Variants in CAPN2 observed in about 807,000 individuals in gnomAD.
CAPN2 encodes the protein calpain 2, also known as calpain-2 catalytic subunit.
Under a neutral mutation model 102.3 loss-of-function variants are expected in CAPN2, and 92 were observed. The ratio of observed to expected loss-of-function variants is 0.90; its 90% CI spans 0.76 to 1.07. The LOEUF (loss-of-function observed/expected upper bound fraction) is 1.07, where lower values mean the gene tolerates loss of function less well. CAPN2 is among the 50% of genes least tolerant of loss of function. CAPN2 has a pLI of 0.00. For missense variants in CAPN2, 800 were observed against 909.4 expected (o/e 0.88, Z 1.55); for synonymous variants, 340 against 355.4 (o/e 0.96, Z 0.49).
chr1:223,772,028 G>GGAGTT (rs1661490764), intron 19 of CAPN2, 103 bp downstream of exon 19: 3 of 1,121,884 alleles, frequency 2.7e-6, no homozygotes. Context: ...ATGTCTTCCA[G>GGAGTT]GAGTTGAGAA....
At chr1:223,769,228 T>C (rs2102816232) in intron 16 of CAPN2, among the ~76,000 whole-genome samples, 1 of 152,186 alleles carries the variant, frequency 6.6e-6, no homozygotes, top group South Asian at 2.1e-4. Flanking sequence ...CAGGTGATTC[T>C]CCCCCCTCCA....
intron 5 of CAPN2, 81 bp from the exon 6 acceptor site, chr1:223,748,958 G>A (rs1402404578): frequency 1.1e-5 from 15 of 1,333,918 alleles, no homozygotes; most frequent in South Asian, 1.2e-5. Flanking sequence ...GGTCCCGCCC[G>A]GCAGTAGGAC....
chr1:223,740,260 C>T (rs1289016453), intron 2 of CAPN2, among the ~76,000 whole-genome samples: 1 of 152,128 alleles, frequency 6.6e-6, no homozygotes, highest in Non-Finnish European at 1.5e-5. Flanking sequence ...ATGCTTGTTC[C>T]CTGGTGCCGT....
rs775085593 is a variant in CAPN2 at position 223,774,849 on chromosome 1, G to GTACT, written c.2097_2100dup (p.Ter701ThrfsTer5). Reference sequence around the variant, plus strand: ...TTCCTCACAGTGGCTCTGTTTCTCAGTACTTTGAAGTTATAACTAATCTGC... The same window carrying GTACT: ...TTCCTCACAGTGGCTCTGTTTCTCAGTACTTACTTTGAAGTTATAACTAATCTGC... On this transcript the variant is annotated frameshift_variant, in exon 21 of 21. Coordinates refer to ENST00000295006, the MANE Select transcript of CAPN2 (RefSeq NM_001748.5). LOFTEE classifies it high-confidence loss of function. The GTACT allele has an allele frequency of 4.3e-6, 7 of 1,612,998 alleles. No individual in the cohort carries two copies. Among genetic ancestry groups the GTACT allele is most frequent in the Non-Finnish European group, 5.9e-6 (7 of 1,179,574 alleles).
In CAPN2 at chr1:223,731,792, G is replaced by A. The variant is rs144526021; in HGVS notation, c.308-12308G>A. Among the ~76,000 whole-genome samples the A allele has an allele frequency of 3.4e-3, 516 of 152,308 alleles. 2 individuals carry two copies. The highest frequency in any genetic ancestry group is 0.011 in the African/African-American group (450 of 41,562). On this transcript the variant is annotated intron_variant, in intron 2 of 20. Transcript: ENST00000295006. This position sits in a 1 kb window ranked among gnomAD's most constrained non-coding sequence, Gnocchi z 4.2. ...ATGGAGTGAGGGATGTGGAGGCAGC[G>A]GAAGGCATCTGGGAGTCTGGGCTGC...
At position 223,774,701 on chromosome 1, in the gene CAPN2, G is replaced by C. The variant is rs28370174; in HGVS notation, c.2080-133G>C. 5.4e-3 allele frequency: 4,012 copies of C among 740,616 alleles called. 167 individuals are homozygous for C. In the East Asian group the frequency reaches 0.086, roughly 16 times the overall value. 45.9% of individuals were successfully genotyped at this position (740,616 alleles called of 1,614,324 possible). ...TAGAAATCAGGTAAGAAAAATATGA[G>C]TTAGTGCACTGATATTGTAGCCCTC... On this transcript the variant is annotated intron_variant, in intron 20 of 20. Transcript: ENST00000295006.
In CAPN2 at chr1:223,770,455, C is replaced by A. The variant is rs780172320; in HGVS notation, c.1833C>A (p.Tyr611Ter). ...WTKIQKYQKI[Y>*]REIDVDRSGT... ...TAACTTATGTGTTCCAGAAAATTTA[C>A]CGAGAAATCGACGTTGACAGGTCTG... Residue 611 changes from tyrosine to a stop codon, truncating the protein, a stop_gained, in exon 18 of 21, where the codon TAC becomes TAA. Coordinates refer to ENST00000295006, the MANE Select transcript of CAPN2 (RefSeq NM_001748.5). LOFTEE classifies it high-confidence loss of function. 2 of 1,612,980 alleles carry A rather than the reference C, an allele frequency of 1.2e-6. No individual in the cohort carries two copies. Among genetic ancestry groups the A allele is most frequent in the South Asian group, 2.2e-5 (2 of 90,972 alleles).
At chr1:223,741,644 G>A (rs1408671883) in intron 2 of CAPN2, among the ~76,000 whole-genome samples, 2 of 151,864 alleles carry the variant, frequency 1.3e-5, no homozygotes, top group African/African-American at 2.4e-5. Context: ...TAATAGAGAC[G>A]GGATTTCACC....
intron 20 of CAPN2, among the ~76,000 whole-genome samples, chr1:223,773,494 GACCA>G (rs1261661528): frequency 1.3e-5 from 2 of 152,198 alleles, no homozygotes; most frequent in East Asian, 3.9e-4. Flanking sequence ...GGGAGTTCGA[GACCA>G]GCCTGAGTAA....
rs1046894818 is a variant in CAPN2 at position 223,755,070 on chromosome 1, C to T, written c.1136-410C>T. On this transcript the variant is annotated intron_variant, in intron 9 of 20. Transcript: ENST00000295006. The surrounding 1 kb of genome is among the most constrained non-coding windows in gnomAD (Gnocchi z 4.1). ...ACAAGTGCAGGTCATCCTCTCTCCA[C>T]AGCTACCGTCACCCGTCTCCAGCCT... Among the ~76,000 whole-genome samples the T allele has an allele frequency of 1.3e-5, 2 of 152,162 alleles. No homozygotes were observed. The highest frequency in any genetic ancestry group is 4.8e-5 in the African/African-American group (2 of 41,426).
chr1:223,723,963 T>G (rs544226796), intron 2 of CAPN2, among the ~76,000 whole-genome samples: 24 of 151,688 alleles, frequency 1.6e-4, no homozygotes, highest in Admixed American at 6.6e-4. Flanking sequence ...CAGGGGTGAC[T>G]CTTTGCCTGT....
At chr1:223,713,854 A>T (rs1197428244) in intron 1 of CAPN2, among the ~76,000 whole-genome samples, 1 of 152,180 alleles carries the variant, frequency 6.6e-6, no homozygotes, top group Non-Finnish European at 1.5e-5. Context: ...CTTCTTGCTA[A>T]CCTGCTGGTG....
intron 17 of CAPN2, 45 bp downstream of exon 17, chr1:223,769,954 T>C: frequency 1.4e-6 from 2 of 1,429,386 alleles, no homozygotes. Context: ...GGAAACATTC[T>C]GTTCATATGC....
Position 223,745,414 on chromosome 1 carries a change from G to A in CAPN2, c.535G>A (p.Ala179Thr), listed in dbSNP as rs763583591. The A allele has an allele frequency of 1.2e-5, 20 of 1,614,082 alleles. No homozygotes were observed. The highest frequency in any genetic ancestry group is 3.3e-5 in the South Asian group (3 of 91,086). ...HSAEGSEFWS[A>T]LLEKAYAKIN... ...AGCCGAAGGGAGCGAGTTCTGGAGC[G>A]CCCTGCTGGAGAAGGCATACGCCAA... is the stretch of plus-strand genomic sequence containing the variant. Residue 179 changes from alanine to threonine, a missense_variant, in exon 4 of 21, where the codon GCC (alanine) becomes ACC (threonine). Coordinates refer to ENST00000295006, the MANE Select transcript of CAPN2 (RefSeq NM_001748.5).
intron 2 of CAPN2, among the ~76,000 whole-genome samples, chr1:223,736,930 G>T (rs1215622034): frequency 6.6e-6 from 1 of 152,076 alleles, no homozygotes; most frequent in African/African-American, 2.4e-5. Flanking sequence ...TGTAATCCCA[G>T]CTACAAGGTG....
In CAPN2 at chr1:223,756,106, A is replaced by G. The variant is rs1221602192; in HGVS notation, c.1305+457A>G. On this transcript the variant is annotated intron_variant, in intron 10 of 20. Coordinates refer to ENST00000295006, the MANE Select transcript of CAPN2 (RefSeq NM_001748.5). This position sits in a 1 kb window ranked among gnomAD's most constrained non-coding sequence, Gnocchi z 4.1. ...TGGGGACAGGGGAACATTGGTCATG[A>G]TGCTCCCCCCAGGGCTCTGATGGCT... 6.6e-6 allele frequency among the ~76,000 whole-genome samples: 1 copy of G among 152,062 alleles called. No individual in the cohort carries two copies. Among genetic ancestry groups the G allele is most frequent in the Non-Finnish European group, 1.5e-5 (1 of 67,994 alleles).
rs763566777 is a variant in CAPN2, at chr1:223,759,480, C to T, written c.1528C>T (p.Gln510Ter). ...CTTTTCTGAAAAGAAAGCTGACTAC[C>T]AGTAGGCGGTTTGGTCCCTTCCTCT... ...RVFSEKKADY[Q>*]AVDDEIEANL... Residue 510 changes from glutamine to a stop codon, truncating the protein, a stop_gained and splice_region_variant, in exon 12 of 21, where the codon CAA becomes TAA. Coordinates refer to ENST00000295006, the MANE Select transcript of CAPN2 (RefSeq NM_001748.5). LOFTEE classifies it high-confidence loss of function. The surrounding 1 kb of genome is among the most constrained non-coding windows in gnomAD (Gnocchi z 4.6). 6.2e-7 allele frequency: 1 copy of T among 1,613,486 alleles called. No homozygotes were observed. The highest frequency in any genetic ancestry group is 1.7e-5 in the Admixed American group (1 of 59,998).
chr1:223,768,194 A>G (rs377084611), intron 16 of CAPN2, among the ~76,000 whole-genome samples: 1 of 149,350 alleles, frequency 6.7e-6, no homozygotes, highest in African/African-American at 2.5e-5. Flanking sequence ...CTTTAGTTTA[A>G]TTAGATCCCA....
At position 223,747,029 on chromosome 1, in the gene CAPN2, G is replaced by T. The variant is rs770020884; in HGVS notation, c.593G>T (p.Gly198Val). 2 of 1,613,950 alleles carry T rather than the reference G, an allele frequency of 1.2e-6. No individual in the cohort carries two copies. The highest frequency in any genetic ancestry group is 1.1e-5 in the South Asian group (1 of 91,060). The change falls in exon 5 of 21, where the codon GGT (glycine) becomes GTT (valine). Residue 198 changes from glycine (G) to valine (V), a missense_variant. By Grantham distance (109) the Gly-to-Val change is moderately radical (BLOSUM62 -3). Coordinates refer to ENST00000295006, the MANE Select transcript of CAPN2 (RefSeq NM_001748.5). ...GGATGCTATGAAGCGCTATCAGGGG[G>T]TGCCACCACTGAGGGCTTCGAAGAC... is the stretch of plus-strand genomic sequence containing the variant. ...INGCYEALSGGATTEGFEDFT... is the reference protein window; with the variant it reads ...INGCYEALSGVATTEGFEDFT...
Sources: gnomAD v4.1 joint callset for allele counts (sites outside exome capture counted in the v4.1 genomes callset) on GRCh38, gnomAD v4.1.1 for gene constraint, Gnocchi (gnomAD v3.1) non-coding constraint, MANE v1.5 for transcripts, NCBI Gene and HGNC (gene_info 2026-07-23, HGNC 2026-07-21) for gene names.